Variants in BCL2 observed in about 807,000 individuals in gnomAD.
BCL2 encodes BCL2 apoptosis regulator.
In BCL2, 1 loss-of-function variant was observed where a neutral mutation model predicts 14.2. That is an observed-to-expected ratio of 0.07 (90% CI 0.02 to 0.33). The LOEUF (loss-of-function observed/expected upper bound fraction) is 0.33. Ranked by LOEUF, BCL2 falls within the 10% of genes least tolerant of loss-of-function variation. The pLI, the probability that BCL2 is intolerant of heterozygous loss-of-function variation, is 0.99. For missense variants in BCL2, 247 were observed against 305.9 expected, an observed-to-expected ratio of 0.81 and a Z score of 1.44; for synonymous variants, 151 against 137.2, an observed-to-expected ratio of 1.10 and a Z score of -0.70.
chr18:63,247,200 A>G (rs1198562325), intron 2 of BCL2, among the ~76,000 whole-genome samples: 1 of 143,024 alleles, frequency 7.0e-6, no homozygotes, highest in Non-Finnish European at 1.5e-5. Context: ...ATGCAACAGG[A>G]TTTTTTTTTT....
At chr18:63,215,775 A>G (rs1458902610) in intron 2 of BCL2, among the ~76,000 whole-genome samples, 9 of 152,192 alleles carry the variant, frequency 5.9e-5, no homozygotes, top group Admixed American at 5.9e-4. Context: ...TGGTGGTGAG[A>G]TGGTCCCCAA....
At chr18:63,145,583 C>A (rs979324823) in intron 2 of BCL2, among the ~76,000 whole-genome samples, 1 of 152,206 alleles carries the variant, frequency 6.6e-6, no homozygotes, top group Non-Finnish European at 1.5e-5. Context: ...AACCTACCTG[C>A]CAAGTGTTTT....
intron 2 of BCL2, among the ~76,000 whole-genome samples, chr18:63,252,661 G>C (rs1911350562): frequency 6.6e-6 from 1 of 152,172 alleles, no homozygotes; most frequent in Non-Finnish European, 1.5e-5. Flanking sequence ...CTCTCCTCTT[G>C]TCTGCCACGT....
chr18:63,246,313 G>T (rs774930846), intron 2 of BCL2, among the ~76,000 whole-genome samples: 1 of 152,158 alleles, frequency 6.6e-6, no homozygotes, highest in Admixed American at 6.5e-5. Flanking sequence ...TCAAGCCAAA[G>T]AAACAGGTCC....
intron 2 of BCL2, among the ~76,000 whole-genome samples, chr18:63,285,532 G>C (rs965528829): frequency 2.6e-5 from 4 of 152,206 alleles, no homozygotes; most frequent in African/African-American, 9.6e-5. Flanking sequence ...TTGTGACAGG[G>C]GAACATATGC....
At chr18:63,178,197 A>G (rs772589663) in intron 2 of BCL2, among the ~76,000 whole-genome samples, 6 of 152,226 alleles carry the variant, frequency 3.9e-5, no homozygotes, top group Non-Finnish European at 4.4e-5. Context: ...GACACCGCGT[A>G]AGGGATTTTG....
intron 2 of BCL2, among the ~76,000 whole-genome samples, chr18:63,286,472 T>C (rs1431526738): frequency 6.6e-6 from 1 of 151,968 alleles, no homozygotes; most frequent in Non-Finnish European, 1.5e-5. Flanking sequence ...GAGTTGAACG[T>C]AGCTGGGACG....
chr18:63,130,213 C>G (rs1405350305), intron 2 of BCL2, among the ~76,000 whole-genome samples: 1 of 152,174 alleles, frequency 6.6e-6, no homozygotes, highest in Non-Finnish European at 1.5e-5. Context: ...CTTTTTACTT[C>G]TGATTTATTC....
intron 2 of BCL2, among the ~76,000 whole-genome samples, chr18:63,253,439 G>A (rs969683029): frequency 6.6e-5 from 10 of 152,168 alleles, no homozygotes; most frequent in Non-Finnish European, 1.2e-4. Context: ...ATTCAGAAAA[G>A]GGTTAAAATA....
At chr18:63,144,795 A>T (rs192701348) in intron 2 of BCL2, among the ~76,000 whole-genome samples, 58 of 152,282 alleles carry the variant, frequency 3.8e-4, no homozygotes, top group South Asian at 1.2e-3. Flanking sequence ...GGTGAGTCAG[A>T]GCGAATGGGG....
At chr18:63,306,612 C>T (rs1369087750) in intron 2 of BCL2, among the ~76,000 whole-genome samples, 1 of 152,232 alleles carries the variant, frequency 6.6e-6, no homozygotes, top group Non-Finnish European at 1.5e-5. Flanking sequence ...TACATTGATT[C>T]CTGCTCATCC....
At chr18:63,269,476 C>T (rs1188630622) in intron 2 of BCL2, among the ~76,000 whole-genome samples, 2 of 152,054 alleles carry the variant, frequency 1.3e-5, no homozygotes, top group Non-Finnish European at 2.9e-5. Context: ...TCAGTTATTA[C>T]ATTAAAGAAA....
chr18:63,267,029 TC>T (rs2144233524), intron 2 of BCL2, among the ~76,000 whole-genome samples: 1 of 152,280 alleles, frequency 6.6e-6, no homozygotes, highest in Non-Finnish European at 1.5e-5. Context: ...CAGAGAGTGC[TC>T]CTCAGAAGGA....
Position 63,220,393 on chromosome 18 carries a change from G to GT in BCL2, c.586-91635dup, listed in dbSNP as rs569894947. 3.0e-3 allele frequency among the ~76,000 whole-genome samples: 460 copies of GT among 152,226 alleles called. 1 individual carries two copies. The highest frequency in any genetic ancestry group is 3.7e-3 in the Non-Finnish European group (253 of 68,016). On this transcript the variant is annotated intron_variant, in intron 2 of 2. Coordinates refer to ENST00000333681, the MANE Select transcript of BCL2 (RefSeq NM_000633.3). The stretch of plus-strand genomic sequence containing the variant: ...TTGCATGAAAAATTTTACAACCACT[G>GT]TATCAGTGCTATTGTCAGACACCAG...
intron 2 of BCL2, among the ~76,000 whole-genome samples, chr18:63,195,579 T>C (rs754845766): frequency 6.6e-6 from 1 of 152,228 alleles, no homozygotes; most frequent in Non-Finnish European, 1.5e-5. Flanking sequence ...AGAGGACCAC[T>C]TGGGACCTTT....
chr18:63,183,515 C>T (rs370450538), intron 2 of BCL2, among the ~76,000 whole-genome samples: 3 of 152,186 alleles, frequency 2.0e-5, no homozygotes, highest in Non-Finnish European at 2.9e-5. Context: ...ATGGGGCCTC[C>T]GCGCTTGGCC....
At chr18:63,258,817 C>T (rs1442454688) in intron 2 of BCL2, among the ~76,000 whole-genome samples, 1 of 152,192 alleles carries the variant, frequency 6.6e-6, no homozygotes, top group African/African-American at 2.4e-5. Flanking sequence ...GGACTTTTTA[C>T]GGGTTTGCGT....
rs540650024 is a variant in BCL2, at chr18:63,148,102, T to C, written c.586-19343A>G. 8.8e-4 allele frequency among the ~76,000 whole-genome samples: 134 copies of C among 152,194 alleles called. 1 individual carries two copies. Among genetic ancestry groups the C allele is most frequent in the East Asian group, 1.2e-3 (6 of 5,186 alleles). Reference sequence around the variant, plus strand: ...CTTCAGAAGATTGTTGAACTGCGCTTCCCCGCTCCCCCCCATTTCAGATAA... The same window carrying C: ...CTTCAGAAGATTGTTGAACTGCGCTCCCCCGCTCCCCCCCATTTCAGATAA... On this transcript the variant is annotated intron_variant, in intron 2 of 2. Coordinates refer to ENST00000333681, the MANE Select transcript of BCL2 (RefSeq NM_000633.3).
At chr18:63,256,383 A>G (rs12326606) in intron 2 of BCL2, among the ~76,000 whole-genome samples, 17,024 of 151,974 alleles carry the variant, frequency 0.11, 1,030 homozygotes, top group South Asian at 0.19. Context: ...CACCCAGCTA[A>G]TTTTTGTGTT....
Sources: gnomAD v4.1 joint callset for allele counts (sites outside exome capture counted in the v4.1 genomes callset) on GRCh38, gnomAD v4.1.1 for gene constraint, MANE v1.5 for transcripts, NCBI Gene and HGNC (gene_info 2026-07-23, HGNC 2026-07-21) for gene names.